OGN: variants seen among roughly 807,000 people sequenced by gnomAD.
The protein encoded by OGN is mimecan.
OGN carries 19 observed loss-of-function variants against 30.8 expected under a neutral mutation model. The observed-to-expected ratio is 0.62, with a 90% CI of 0.43 to 0.90. The LOEUF is 0.90. OGN is among the 40% of genes least tolerant of loss of function. The pLI is 0.00. For missense variants in OGN, 283 were observed against 349.7 expected (o/e 0.81, Z 1.52); for synonymous variants, 126 against 128.3 (o/e 0.98, Z 0.12).
intron 3 of OGN, among the ~76,000 whole-genome samples, chr9:92,393,556 C>G (rs1460991670): frequency 6.6e-6 from 1 of 152,096 alleles, no homozygotes; most frequent in Admixed American, 6.5e-5. Flanking sequence ...ATGAGCTTGA[C>G]TTATTAAGTT....
intron 5 of OGN, among the ~76,000 whole-genome samples, chr9:92,388,831 C>CAAAAAAA (rs533649013): frequency 1.2e-5 from 1 of 83,592 alleles, no homozygotes. Context: ...GACTCCATCT[C>CAAAAAAA]AAAAAAAAAA....
At chr9:92,397,137 A>G (rs966988547) in intron 3 of OGN, among the ~76,000 whole-genome samples, 5 of 152,034 alleles carry the variant, frequency 3.3e-5, no homozygotes, top group African/African-American at 4.8e-5. Context: ...TGATCATGCC[A>G]CTATACTCCA....
At chr9:92,395,686 C>G (rs1199402960) in intron 3 of OGN, among the ~76,000 whole-genome samples, 3 of 152,112 alleles carry the variant, frequency 2.0e-5, no homozygotes, top group Admixed American at 2.0e-4. Context: ...TATGGTCAGT[C>G]TTTTTAATTT....
At chr9:92,397,852 C>T (rs1842953530) in intron 3 of OGN, among the ~76,000 whole-genome samples, 1 of 152,252 alleles carries the variant, frequency 6.6e-6, no homozygotes, top group East Asian at 1.9e-4. Flanking sequence ...ATACCATATA[C>T]TCATGTATAC....
rs184267998 is a variant in OGN, at chr9:92,400,293, G to A, written c.268+799C>T. ...GCTTCCCGAGTAGCTGGGATTACAGGCACCTGCCACCACGCCTGGCTAATT... is the reference window on the plus strand; with the variant it reads ...GCTTCCCGAGTAGCTGGGATTACAGACACCTGCCACCACGCCTGGCTAATT... On this transcript the variant is annotated intron_variant, in intron 3 of 6. Coordinates refer to ENST00000375561, the MANE Select transcript of OGN (RefSeq NM_014057.5). Among the ~76,000 whole-genome samples, 33 of 152,180 alleles carry A rather than the reference G, an allele frequency of 2.2e-4. No homozygotes were observed. In the East Asian group the frequency reaches 6.4e-3, roughly 29 times the overall value.
rs369878265 is a variant in OGN, at chr9:92,393,171, T to C, written c.342A>G (p.Val114=). Residue 114 remains valine (V), a synonymous_variant, in exon 4 of 7, where the codon GTA becomes GTG. Transcript: ENST00000375561. Reference sequence around the variant, plus strand: ...AGGCTGATTCCTTTGGTAAGGGTGGTACAGCATCAATGTCAACTTCTTCAC... The same window carrying C: ...AGGCTGATTCCTTTGGTAAGGGTGGCACAGCATCAATGTCAACTTCTTCAC... ...VYCEEVDIDA[V]PPLPKESAYL... 2.2e-5 allele frequency: 35 copies of C among 1,613,868 alleles called. No homozygotes were observed. In the East Asian group the frequency reaches 6.5e-4, roughly 30 times the overall value.
intron 3 of OGN, among the ~76,000 whole-genome samples, chr9:92,396,544 A>G (rs1842897991): frequency 7.0e-6 from 1 of 143,850 alleles, no homozygotes; most frequent in Non-Finnish European, 1.5e-5. Context: ...TTTAGATTTC[A>G]GTGTACAGGC....
intron 5 of OGN, among the ~76,000 whole-genome samples, chr9:92,388,442 G>A (rs896258670): frequency 7.9e-5 from 12 of 152,018 alleles, no homozygotes; most frequent in Admixed American, 6.6e-4. Context: ...GATTATAGGC[G>A]TGAGCCACTG....
Position 92,393,254 on chromosome 9 carries a change from G to C in OGN, c.269-10C>G, listed in dbSNP as rs1274871388. On this transcript the variant is annotated splice_polypyrimidine_tract_variant and intron_variant, in intron 3 of 6. Transcript: ENST00000375561. Reference sequence around the variant, plus strand: ...AGACACGTGGGCATTTCTAAATTGGGAATAAAATCATAAAAATATGAACAA... The same window carrying C: ...AGACACGTGGGCATTTCTAAATTGGCAATAAAATCATAAAAATATGAACAA... 1 of 1,553,848 alleles carries C rather than the reference G, an allele frequency of 6.4e-7. No individual in the cohort carries two copies. Among genetic ancestry groups the C allele is most frequent in the East Asian group, 2.3e-5 (1 of 43,658 alleles).
intron 5 of OGN, among the ~76,000 whole-genome samples, chr9:92,388,998 C>A (rs1306685788): frequency 6.6e-6 from 1 of 152,024 alleles, no homozygotes; most frequent in Non-Finnish European, 1.5e-5. Flanking sequence ...AAAAAATGGA[C>A]TATTTGTACA....
Position 92,383,527 on chromosome 9 carries a change from T to A in OGN, c.*2093A>T, listed in dbSNP as rs75435615. The stretch of plus-strand genomic sequence containing the variant: ...AATTTAAAGCCTCTAATTATTAGTG[T>A]CAAGAATGAAACATTATGAATATAA... On this transcript the variant is annotated 3_prime_UTR_variant, in exon 7 of 7. Coordinates refer to ENST00000375561, the MANE Select transcript of OGN (RefSeq NM_014057.5). 4.8e-3 allele frequency among the ~76,000 whole-genome samples: 735 copies of A among 152,286 alleles called. 13 individuals carry two copies. The highest frequency in any genetic ancestry group is 0.017 in the African/African-American group (698 of 41,560).
chr9:92,385,721 G>C lies in OGN; in HGVS notation c.796C>G (p.Arg266Gly). 1 of 1,613,998 alleles carries C rather than the reference G, an allele frequency of 6.2e-7. No individual in the cohort carries two copies. The highest frequency in any genetic ancestry group is 8.5e-7 in the Non-Finnish European group (1 of 1,179,922). Residue 266 changes from arginine to glycine, a missense_variant, in exon 7 of 7, where the codon CGC becomes GGC. Transcript: ENST00000375561. ...CCCTCCAGGCGTATCTCTTCAATGC[G>C]GTCCCGGATGTAACTGGTGTCATTA... ...KANDTSYIRD[R>G]IEEIRLEGNP...
intron 5 of OGN, among the ~76,000 whole-genome samples, chr9:92,388,582 T>C (rs1456025646): frequency 6.6e-6 from 1 of 151,530 alleles, no homozygotes; most frequent in Non-Finnish European, 1.5e-5. Flanking sequence ...GGCTTACGCC[T>C]GTAATCCTAG....
At chr9:92,386,419 A>C (rs1031760063) in intron 5 of OGN, 123 bp from the exon 6 acceptor site, 4 of 626,442 alleles carry the variant, frequency 6.4e-6, no homozygotes, top group South Asian at 1.9e-5. Context: ...TGATATGAAT[A>C]CATCAATTAT....
intron 5 of OGN, among the ~76,000 whole-genome samples, chr9:92,387,802 T>C (rs1212710344): frequency 6.6e-6 from 1 of 152,110 alleles, no homozygotes; most frequent in African/African-American, 2.4e-5. Flanking sequence ...CTCACTCTGT[T>C]GCCCAGGCTG....
At position 92,390,020 on chromosome 9, in the gene OGN, A is replaced by C; in HGVS notation, c.464T>G (p.Ile155Arg). The change falls in exon 5 of 7, where the codon ATA (isoleucine) becomes AGA (arginine). Residue 155 changes from isoleucine to arginine, a missense_variant. Transcript: ENST00000375561. ...AAAAGTACCATCTTCTATATCTTCT[A>C]TCAAATTTCCTGTAAAATCGAGTCT... ...LRRLDFTGNL[I>R]EDIEDGTFSK... 2.5e-6 allele frequency: 4 copies of C among 1,605,808 alleles called. No homozygotes were observed. The highest frequency in any genetic ancestry group is 3.4e-6 in the Non-Finnish European group (4 of 1,174,228).
intron 3 of OGN, among the ~76,000 whole-genome samples, chr9:92,400,103 T>G (rs1035842810): frequency 6.6e-6 from 1 of 152,140 alleles, no homozygotes; most frequent in African/African-American, 2.4e-5. Context: ...ATCTTTATGA[T>G]TTTGAGTCAT....
At position 92,384,796 on chromosome 9, in the gene OGN, T is replaced by A. The variant is rs1192634570; in HGVS notation, c.*824A>T. Reference sequence around the variant, plus strand: ...TTCTGTAGTATAAAAGGAAAATATTTTGCAGTTATCTCGTATTTGAAAGAC... The same window carrying A: ...TTCTGTAGTATAAAAGGAAAATATTATGCAGTTATCTCGTATTTGAAAGAC... On this transcript the variant is annotated 3_prime_UTR_variant, in exon 7 of 7. Coordinates refer to ENST00000375561, the MANE Select transcript of OGN (RefSeq NM_014057.5). 6.6e-6 allele frequency: 1 copy of A among 152,148 alleles called. No individual in the cohort carries two copies. The highest frequency in any genetic ancestry group is 2.4e-5 in the African/African-American group (1 of 41,428). 9.4% of individuals were successfully genotyped at this position (152,148 alleles called of 1,614,324 possible).
chr9:92,394,894 A>C (rs747760852), intron 3 of OGN, among the ~76,000 whole-genome samples: 4 of 152,190 alleles, frequency 2.6e-5, no homozygotes, highest in Admixed American at 2.0e-4. Flanking sequence ...GGTGTGAGCC[A>C]CCACGCCCGG....
Sources: gnomAD v4.1 joint callset for allele counts (sites outside exome capture counted in the v4.1 genomes callset) on GRCh38, gnomAD v4.1.1 for gene constraint, MANE v1.5 for transcripts, NCBI Gene and HGNC (gene_info 2026-07-23, HGNC 2026-07-21) for gene names.